The following USP35 variants were observed in gnomAD, a reference collection of about 807,000 sequenced individuals.
USP35 encodes the protein ubiquitin carboxyl-terminal hydrolase 35.
A neutral mutation model predicts 83.8 loss-of-function variants in USP35; 69 were observed. That is an observed-to-expected ratio of 0.82 (90% CI 0.68 to 1.01). The LOEUF (loss-of-function observed/expected upper bound fraction) is 1.01. USP35 is among the 50% of genes least tolerant of loss of function. USP35 has a pLI of 0.00. For synonymous variants in USP35, 714 were observed against 589.5 expected (o/e 1.21, Z -3.06); for missense variants, 1,503 against 1,362.5 (o/e 1.10, Z -1.62).
At chr11:78,199,047 T>C (rs1863253892) in intron 3 of USP35, 1 of 156,202 alleles carries the variant, frequency 6.4e-6, no homozygotes, top group South Asian at 1.9e-4. Context: ...AGGCAGGCTG[T>C]GTTGTGGGGT....
At chr11:78,195,120 G>A (rs907080781) in intron 1 of USP35, among the ~76,000 whole-genome samples, 3 of 152,230 alleles carry the variant, frequency 2.0e-5, no homozygotes, top group East Asian at 1.9e-4. Flanking sequence ...GCTGGAGCGC[G>A]GAGATGAGAT....
intron 10 of USP35, 49 bp downstream of exon 10, chr11:78,210,793 C>G: frequency 6.7e-7 from 1 of 1,485,876 alleles, no homozygotes; most frequent in Non-Finnish European, 8.9e-7. Context: ...TGGAGGGAGT[C>G]CAGTCCCACT....
At chr11:78,225,141 A>G in the USP35 span, 1 of 1,613,408 alleles carries the variant, frequency 6.2e-7, no homozygotes, top group Non-Finnish European at 8.5e-7. Flanking sequence ...TCATGGATTC[A>G]GCAGACCGGC....
intron 8 of USP35, among the ~76,000 whole-genome samples, 170 bp from the exon 9 acceptor site, chr11:78,208,687 T>C (rs1363156050): frequency 1.3e-5 from 2 of 152,116 alleles, no homozygotes; most frequent in Non-Finnish European, 2.9e-5. Flanking sequence ...GGCGTGGACA[T>C]GTGGGCTGGG....
At position 78,196,169 on chromosome 11, in the gene USP35, G is replaced by A. The variant is rs191100910; in HGVS notation, c.-10-67G>A. ...GCTTGCCCTAAGTCTCAGCACTCGG[G>A]GACTGCACCGGGAACTCTTGAGCCC... is the stretch of plus-strand genomic sequence containing the variant. On this transcript the variant is annotated intron_variant, in intron 1 of 10. Coordinates refer to ENST00000529308, the MANE Select transcript of USP35 (RefSeq NM_020798.4). The surrounding 1 kb of genome is among the most constrained non-coding windows in gnomAD (Gnocchi z 4.8). The A allele has an allele frequency of 6.2e-4, 929 of 1,496,156 alleles. 6 individuals are homozygous for A. In the African/African-American group the frequency reaches 0.012, roughly 20 times the overall value. The allele number at this position is 1,496,156 out of a possible 1,614,324, so 92.7% of individuals were successfully genotyped here. A position where few individuals can be genotyped will look rare whatever the true frequency, so the allele number is the denominator to read the frequency against.
At position 78,196,423 on chromosome 11, in the gene USP35, G is replaced by T; in HGVS notation, c.178G>T (p.Val60Leu). Residue 60 changes from valine (V) to leucine (L), a missense_variant, in exon 2 of 11, where the codon GTG becomes TTG. Transcript: ENST00000529308. The surrounding 1 kb of genome is among the most constrained non-coding windows in gnomAD (Gnocchi z 4.8). Reference sequence around the variant, plus strand: ...CGGCGCGGAGGAGCTGCCGCGCCGCGTGGGCTGCCAGCTGCTGCACGTGGC... The same window carrying T: ...CGGCGCGGAGGAGCTGCCGCGCCGCTTGGGCTGCCAGCTGCTGCACGTGGC... Reference protein sequence around the residue: ...VGGAEELPRRVGCQLLHVAGR... With the variant: ...VGGAEELPRRLGCQLLHVAGR... 7.7e-7 allele frequency: 1 copy of T among 1,293,036 alleles called. No homozygotes were observed. The allele number at this position is 1,293,036 out of a possible 1,614,324, so 80.1% of individuals were successfully genotyped here. A position where few individuals can be genotyped will look rare whatever the true frequency, so the allele number is the denominator to read the frequency against.
the USP35 span, among the ~76,000 whole-genome samples, chr11:78,236,631 A>C: frequency 2.6e-5 from 4 of 152,230 alleles, no homozygotes; most frequent in Non-Finnish European, 4.4e-5. Flanking sequence ...AGTTTAAAGA[A>C]GTTCTCCTCA....
In USP35 at chr11:78,213,532, TG is replaced by T. The variant is rs142916169; in HGVS notation, c.2890-113del. On this transcript the variant is annotated intron_variant, in intron 10 of 10. Coordinates refer to ENST00000529308, the MANE Select transcript of USP35 (RefSeq NM_020798.4). ...GCCACTGAGCTGCAATGTCTCTGTGTGTCCAGGCCCTGGGGACCTAGAGGAA... is the reference window on the plus strand; with the variant it reads ...GCCACTGAGCTGCAATGTCTCTGTGTTCCAGGCCCTGGGGACCTAGAGGAA... 7,805 of 1,234,550 alleles carry T rather than the reference TG, an allele frequency of 6.3e-3. 381 individuals carry two copies. The African/African-American group carries it at 0.11, about 17-fold the overall frequency. 76.5% of individuals were successfully genotyped at this position (1,234,550 alleles called of 1,614,324 possible).
chr11:78,221,861 T>G, the USP35 span: 1 of 915,048 alleles, frequency 1.1e-6, no homozygotes, highest in Non-Finnish European at 1.8e-6. Context: ...GCCCTGACCC[T>G]CACACACCCA....
At position 78,209,862 on chromosome 11, in the gene USP35, G is replaced by T; in HGVS notation, c.2007G>T (p.Gly669=). 6.2e-7 allele frequency: 1 copy of T among 1,611,188 alleles called. No individual in the cohort carries two copies. Residue 669 remains glycine (G), a synonymous_variant, in exon 10 of 11, where the codon GGG becomes GGT. Coordinates refer to ENST00000529308, the MANE Select transcript of USP35 (RefSeq NM_020798.4). The part of the protein sequence containing the change: ...IEGLDSKEAG[G]QSSQEERIER... ...GCCTGGACTCCAAGGAAGCTGGTGG[G>T]CAGAGCAGTCAGGAGGAAAGGATAG... is the stretch of plus-strand genomic sequence containing the variant.
intron 8 of USP35, among the ~76,000 whole-genome samples, chr11:78,208,515 A>ATGACAT: frequency 6.6e-6 from 1 of 152,272 alleles, no homozygotes; most frequent in Admixed American, 6.5e-5. Context: ...GGTTGGGAAG[A>ATGACAT]TGACATGGAA....
the USP35 span, chr11:78,226,611 CGGGGTG>C: frequency 7.1e-6 from 2 of 282,902 alleles, no homozygotes; most frequent in Non-Finnish European, 1.3e-5. Flanking sequence ...CTTGGGGGGG[CGGGGTG>C]GGGGAGCTAT....
Position 78,196,659 on chromosome 11 carries a change from C to T in USP35, c.414C>T (p.Pro138=), listed in dbSNP as rs1863156309. The change falls in exon 2 of 11, where the codon CCC becomes CCT. Residue 138 remains proline (P), a synonymous_variant. Coordinates refer to ENST00000529308, the MANE Select transcript of USP35 (RefSeq NM_020798.4). The surrounding 1 kb of genome is among the most constrained non-coding windows in gnomAD (Gnocchi z 4.8). ...GCACCGTGTGCGAGCGCCCGGGCCCCGCGGCCTGCGCGCAGGTGGCACGGC... is the reference window on the plus strand; with the variant it reads ...GCACCGTGTGCGAGCGCCCGGGCCCTGCGGCCTGCGCGCAGGTGGCACGGC... ...VLRTVCERPG[P]AACAQVARLL... 2 of 1,414,182 alleles carry T rather than the reference C, an allele frequency of 1.4e-6. No individual in the cohort carries two copies. Among genetic ancestry groups the T allele is most frequent in the African/African-American group, 1.5e-5 (1 of 65,694 alleles). 87.6% of individuals were successfully genotyped at this position (1,414,182 alleles called of 1,614,324 possible). A position where few individuals can be genotyped will look rare whatever the true frequency, so the allele number is the denominator to read the frequency against.
chr11:78,209,958 A>AGG lies in USP35; in HGVS notation c.2106_2107dup (p.Glu703GlyfsTer73). ...TGGGGGAGGAGGAGGAAAGCACCAG[A>AGG]GGGGAAGGAGAGAGGGAGAAAGAGG... On this transcript the variant is annotated frameshift_variant, in exon 10 of 11. Transcript: ENST00000529308. LOFTEE classifies it high-confidence loss of function. 1 of 1,610,782 alleles carries AGG rather than the reference A, an allele frequency of 6.2e-7. No homozygotes were observed. Among genetic ancestry groups the AGG allele is most frequent in the Non-Finnish European group, 8.5e-7 (1 of 1,178,436 alleles).
chr11:78,215,418 C>T (rs1478119563), downstream of USP35: 6 of 152,594 alleles, frequency 3.9e-5, no homozygotes, highest in African/African-American at 1.2e-4. Context: ...GAACACACTC[C>T]TGTCCCACCC....
At chr11:78,234,135 C>T in the USP35 span, among the ~76,000 whole-genome samples, 1 of 152,060 alleles carries the variant, frequency 6.6e-6, no homozygotes, top group Non-Finnish European at 1.5e-5. Flanking sequence ...GGCTGGAGTG[C>T]AATGGAATGA....
At position 78,200,241 on chromosome 11, in the gene USP35, T is replaced by C; in HGVS notation, c.1038+7T>C. 1.9e-6 allele frequency: 3 copies of C among 1,613,544 alleles called. No individual in the cohort carries two copies. The stretch of plus-strand genomic sequence containing the variant: ...CCACGAAGCCTTCCACCTGGTAAGG[T>C]CCCCTGCCTGCTGCCCCTGGTGAGG... On this transcript the variant is annotated splice_region_variant and intron_variant, in intron 5 of 10. Coordinates refer to ENST00000529308, the MANE Select transcript of USP35 (RefSeq NM_020798.4).
chr11:78,231,336 G>GTGGTGTGTGTGTGTGT, the USP35 span, among the ~76,000 whole-genome samples: 71 of 145,898 alleles, frequency 4.9e-4, no homozygotes, highest in African/African-American at 1.8e-3. Flanking sequence ...GCGCGTGTGT[G>GTGGTGTGTGTGTGTGT]GTGTGTGTGT....
At chr11:78,233,752 G>A in the USP35 span, among the ~76,000 whole-genome samples, 1 of 152,090 alleles carries the variant, frequency 6.6e-6, no homozygotes, top group African/African-American at 2.4e-5. Flanking sequence ...CACTATAGAT[G>A]AGCACATCCA....
Sources: allele counts gnomAD v4.1 joint callset (sites outside exome capture counted in the v4.1 genomes callset), GRCh38; gene constraint gnomAD v4.1.1; non-coding constraint Gnocchi (gnomAD v3.1); transcripts MANE v1.5; gene names NCBI Gene and HGNC (gene_info 2026-07-23, HGNC 2026-07-21).